The following RAB27B variants were observed in gnomAD, a reference collection of about 807,000 sequenced individuals.
The protein encoded by RAB27B is RAB27B, member RAS oncogene family.
Under a neutral mutation model 24.6 loss-of-function variants are expected in RAB27B, and 15 were observed. The ratio of observed to expected loss-of-function variants is 0.61; its 90% CI spans 0.41 to 0.94. The LOEUF is 0.94. Ranked by LOEUF, RAB27B falls within the 40% of genes least tolerant of loss-of-function variation. The pLI is 0.00. For synonymous variants in RAB27B, 105 were observed against 92.5 expected (o/e 1.14, Z -0.78); for missense variants, 261 against 266.8 (o/e 0.98, Z 0.15).
At position 54,879,394 on chromosome 18, in the gene RAB27B, G is replaced by A. The variant is rs1346540708; in HGVS notation, c.179G>A (p.Gly60Glu). ...RVVYNAQGPN[G>E]SSGKAFKVHL... ...GTTTATAATGCACAAGGACCGAATG[G>A]ATCTTCAGGGAAAGCATTTAAAGTG... The change falls in exon 3 of 6, where the codon GGA becomes GAA. Residue 60 changes from glycine (G) to glutamate (E), a missense_variant. Coordinates refer to ENST00000262094, the MANE Select transcript of RAB27B (RefSeq NM_004163.4). 2.5e-6 allele frequency: 4 copies of A among 1,612,774 alleles called. No individual in the cohort carries two copies. The highest frequency in any genetic ancestry group is 3.4e-6 in the Non-Finnish European group (4 of 1,178,914).
chr18:54,807,752 A>G (rs958602283), intron 2 of RAB27B, among the ~76,000 whole-genome samples: 1 of 152,180 alleles, frequency 6.6e-6, no homozygotes, highest in Non-Finnish European at 1.5e-5. Flanking sequence ...TCTACACTTG[A>G]CATGTGTAGG....
intron 2 of RAB27B, among the ~76,000 whole-genome samples, chr18:54,776,921 G>T (rs1296291953): frequency 2.0e-5 from 3 of 152,038 alleles, no homozygotes; most frequent in Non-Finnish European, 4.4e-5. Context: ...GGCACACACT[G>T]GTAGTCTCAG....
intron 2 of RAB27B, among the ~76,000 whole-genome samples, chr18:54,737,841 A>G (rs1327274216): frequency 6.6e-6 from 1 of 152,210 alleles, no homozygotes; most frequent in Non-Finnish European, 1.5e-5. Flanking sequence ...AAGAATATCA[A>G]TATAATCATT....
chr18:54,835,127 C>T (rs904756311), intron 1 of RAB27B, among the ~76,000 whole-genome samples: 1 of 151,726 alleles, frequency 6.6e-6, no homozygotes, highest in Non-Finnish European at 1.5e-5. Context: ...GATAAGTGTT[C>T]CTGTACATAT....
At chr18:54,801,032 T>TTA (rs1283703052) in intron 2 of RAB27B, among the ~76,000 whole-genome samples, 1,657 of 119,972 alleles carry the variant, frequency 0.014, 12 homozygotes, top group Middle Eastern at 0.029. Flanking sequence ...TTTTTTTTTT[T>TTA]AACAGAGTCT....
intron 2 of RAB27B, among the ~76,000 whole-genome samples, chr18:54,823,346 A>G (rs983414683): frequency 5.7e-4 from 87 of 152,352 alleles, no homozygotes; most frequent in African/African-American, 1.9e-3. Flanking sequence ...ACACCCGTGC[A>G]TAACTTTCTG....
intron 1 of RAB27B, among the ~76,000 whole-genome samples, chr18:54,847,248 T>C (rs1911375311): frequency 6.6e-6 from 1 of 152,214 alleles, no homozygotes; most frequent in Admixed American, 6.5e-5. Context: ...AAGTTTTGTA[T>C]GTTTCTGGGG....
intron 1 of RAB27B, among the ~76,000 whole-genome samples, chr18:54,868,274 C>T (rs2084235840): frequency 6.6e-6 from 1 of 152,028 alleles, no homozygotes; most frequent in African/African-American, 2.4e-5. Flanking sequence ...GTGGCACCTC[C>T]CCCCTCACTT....
In RAB27B at chr18:54,726,106, A is replaced by G. The variant is rs139496033; in HGVS notation, c.-20+7965A>G. On this transcript the variant is annotated intron_variant, in intron 2 of 4. Transcript: ENST00000586570. ...ACTGTATTTTTATAAGCAAGGTCCA[A>G]TATACTATAAATCTACTTTTTAATG... 1.6e-3 allele frequency among the ~76,000 whole-genome samples: 250 copies of G among 151,670 alleles called. 6 individuals are homozygous for G. The highest frequency in any genetic ancestry group is 5.6e-3 in the African/African-American group (233 of 41,436).
Position 54,889,593 on chromosome 18 carries a change from TC to T in RAB27B, c.*183del, listed in dbSNP as rs1261269172. On this transcript the variant is annotated 3_prime_UTR_variant, in exon 6 of 6. Coordinates refer to ENST00000262094, the MANE Select transcript of RAB27B (RefSeq NM_004163.4). ...AGTGTTCAAAAGAATTGACTAGTTA[TC>T]CCTGAGGCCCTTTCAAACATGATCA... 5 of 548,988 alleles carry T rather than the reference TC, an allele frequency of 9.1e-6. No individual in the cohort carries two copies. Among genetic ancestry groups the T allele is most frequent in the Non-Finnish European group, 1.5e-5 (5 of 323,486 alleles). The allele number at this position is 548,988 out of a possible 1,614,324, so 34.0% of individuals were successfully genotyped here.
chr18:54,767,534 T>C (rs1048760816), intron 2 of RAB27B, among the ~76,000 whole-genome samples: 9 of 152,214 alleles, frequency 5.9e-5, no homozygotes, highest in African/African-American at 1.7e-4. Flanking sequence ...AGGAAAGAAC[T>C]CTTTGTATCA....
intron 2 of RAB27B, among the ~76,000 whole-genome samples, chr18:54,803,698 G>A (rs1016544563): frequency 6.6e-6 from 1 of 152,180 alleles, no homozygotes; most frequent in African/African-American, 2.4e-5. Flanking sequence ...TTGGAGTTAG[G>A]TGGTTCTGCT....
intron 2 of RAB27B, among the ~76,000 whole-genome samples, chr18:54,811,946 A>G (rs78603129): frequency 6.6e-6 from 1 of 152,112 alleles, no homozygotes; most frequent in Admixed American, 6.5e-5. Context: ...ATACTTTTTT[A>G]CAGTACCTGG....
chr18:54,792,115 A>G (rs999871803), intron 2 of RAB27B, among the ~76,000 whole-genome samples: 8 of 152,170 alleles, frequency 5.3e-5, no homozygotes, highest in African/African-American at 1.9e-4. Context: ...TGGTTAACAC[A>G]AGCCACCTGT....
Position 54,817,640 on chromosome 18 carries a change from G to A in RAB27B, c.-19-59927G>A, listed in dbSNP as rs141873477. ...ATTAGAATATGTATCTATTTGATTA[G>A]TTGCATTAGTTGCAATTGAAGTAAT... On this transcript the variant is annotated intron_variant, in intron 2 of 4. Coordinates refer to the RAB27B transcript ENST00000586570. Among the ~76,000 whole-genome samples, 450 of 152,146 alleles carry A rather than the reference G, an allele frequency of 3.0e-3. 4 individuals carry two copies. Among genetic ancestry groups the A allele is most frequent in the African/African-American group, 1.0e-2 (413 of 41,504 alleles).
At chr18:54,731,773 C>A (rs935326278) in intron 2 of RAB27B, among the ~76,000 whole-genome samples, 1 of 152,284 alleles carries the variant, frequency 6.6e-6, no homozygotes, top group Non-Finnish European at 1.5e-5. Context: ...TAGGTTCCAA[C>A]ACAAAGCAAG....
At chr18:54,760,441 G>A (rs1214451632) in intron 2 of RAB27B, among the ~76,000 whole-genome samples, 1 of 152,148 alleles carries the variant, frequency 6.6e-6, no homozygotes, top group Non-Finnish European at 1.5e-5. Context: ...TCTGAGTGAG[G>A]TGAAATGCTA....
chr18:54,761,425 A>G (rs2145051165), intron 2 of RAB27B, among the ~76,000 whole-genome samples: 1 of 152,354 alleles, frequency 6.6e-6, no homozygotes, highest in East Asian at 1.9e-4. Flanking sequence ...ATTTATCTTC[A>G]AAACTTTGCT....
intron 2 of RAB27B, among the ~76,000 whole-genome samples, chr18:54,822,687 A>G (rs1910348318): frequency 6.6e-6 from 1 of 152,102 alleles, no homozygotes; most frequent in African/African-American, 2.4e-5. Flanking sequence ...TCTTATTTTT[A>G]TAACTTTTCT....
Sources: allele counts gnomAD v4.1 joint callset (sites outside exome capture counted in the v4.1 genomes callset), GRCh38; gene constraint gnomAD v4.1.1; transcripts MANE v1.5; gene names NCBI Gene and HGNC (gene_info 2026-07-23, HGNC 2026-07-21).